The following ARID2 variants were observed in gnomAD, a reference collection of about 807,000 sequenced individuals.
ARID2 encodes AT-rich interactive domain-containing protein 2.
A neutral mutation model predicts 184.6 loss-of-function variants in ARID2; 32 were observed. That is an observed-to-expected ratio of 0.17 (90% CI 0.13 to 0.23). The LOEUF is 0.23. ARID2 is among the 10% of genes least tolerant of loss of function. ARID2 has a pLI of 1.00. For missense variants in ARID2, 1,696 were observed against 2,197.6 expected (o/e 0.77, Z 4.56); for synonymous variants, 836 against 772.6 (o/e 1.08, Z -1.36).
chr12:45,883,294 C>A (rs1257860605), intron 16 of ARID2, among the ~76,000 whole-genome samples: 4 of 151,596 alleles, frequency 2.6e-5, no homozygotes, highest in Admixed American at 1.3e-4. Context: ...ACATTGAATA[C>A]CAAAGAATTT....
intron 3 of ARID2, among the ~76,000 whole-genome samples, chr12:45,801,074 A>G (rs1942489369): frequency 6.6e-6 from 1 of 152,196 alleles, no homozygotes; most frequent in Non-Finnish European, 1.5e-5. Flanking sequence ...GCGCTTTGGG[A>G]GGCTGAGGTG....
chr12:45,801,184 C>T (rs575788847), intron 3 of ARID2, among the ~76,000 whole-genome samples: 9 of 152,038 alleles, frequency 5.9e-5, no homozygotes, highest in African/African-American at 2.2e-4. Context: ...CGGTGGTAGG[C>T]GCCCGTAGTC....
At chr12:45,820,266 TA>T (rs1289782268) in intron 5 of ARID2, among the ~76,000 whole-genome samples, 1 of 152,234 alleles carries the variant, frequency 6.6e-6, no homozygotes, top group Non-Finnish European at 1.5e-5. Context: ...GTAAAATCAT[TA>T]GTAAATATAA....
chr12:45,772,150 T>C lies in ARID2; in HGVS notation c.285-39268T>C, dbSNP rs373404593. On this transcript the variant is annotated intron_variant, in intron 3 of 20. Transcript: ENST00000334344. The stretch of plus-strand genomic sequence containing the variant: ...TGACAAAATGCTACATTAGGAAATA[T>C]TGATGTAATGCAAAAAGAAAGCAAT... 2.2e-3 allele frequency among the ~76,000 whole-genome samples: 342 copies of C among 152,108 alleles called. 12 individuals carry two copies. The South Asian group carries it at 0.067, about 30-fold the overall frequency.
chr12:45,873,638 A>G (rs1943960676), intron 16 of ARID2, among the ~76,000 whole-genome samples: 1 of 152,236 alleles, frequency 6.6e-6, no homozygotes, highest in African/African-American at 2.4e-5. Context: ...AAATATCACA[A>G]TAAAGCAAGT....
chr12:45,801,282 G>A (rs977342588), intron 3 of ARID2, among the ~76,000 whole-genome samples: 1 of 151,218 alleles, frequency 6.6e-6, no homozygotes, highest in African/African-American at 2.4e-5. Flanking sequence ...ACTGCAGTCC[G>A]GCCTGGGCAA....
chr12:45,899,071 A>G (rs1045984496), intron 20 of ARID2, among the ~76,000 whole-genome samples: 1 of 150,866 alleles, frequency 6.6e-6, no homozygotes, highest in African/African-American at 2.4e-5. Flanking sequence ...CAAGATATTG[A>G]GATCATCCTG....
chr12:45,873,280 T>C (rs1378059097), intron 16 of ARID2, among the ~76,000 whole-genome samples: 4 of 152,208 alleles, frequency 2.6e-5, no homozygotes, highest in African/African-American at 9.7e-5. Context: ...TAACAATACA[T>C]AGTTGGGTCT....
At chr12:45,803,591 A>G (rs1942547598) in intron 3 of ARID2, among the ~76,000 whole-genome samples, 1 of 152,184 alleles carries the variant, frequency 6.6e-6, no homozygotes, top group Non-Finnish European at 1.5e-5. Context: ...TTGTGGGGGC[A>G]TGTAAATTTA....
chr12:45,783,250 T>A (rs1195890988), intron 3 of ARID2, among the ~76,000 whole-genome samples: 2 of 152,152 alleles, frequency 1.3e-5, no homozygotes, highest in Non-Finnish European at 2.9e-5. Flanking sequence ...TATGTCAAAG[T>A]TTAATCTAGA....
In ARID2 at chr12:45,904,999, C is replaced by G. The variant is rs755903547; in HGVS notation, c.5429C>G (p.Thr1810Ser). 1.2e-6 allele frequency: 2 copies of G among 1,614,002 alleles called. No individual in the cohort carries two copies. The highest frequency in any genetic ancestry group is 1.7e-6 in the Non-Finnish European group (2 of 1,179,962). Residue 1810 changes from threonine (T) to serine (S), a missense_variant, in exon 21 of 21, where the codon ACC becomes AGC. Physicochemically the swap from Thr to Ser is moderately conservative, Grantham distance 58 (BLOSUM62 1). Transcript: ENST00000334344. ...LAISNMEASS[T>S]LAKCLYELNF... ...ATTAGTAACATGGAAGCTTCCTCCACCCTTGCCAAATGCCTTTATGAACTT... is the reference window on the plus strand; with the variant it reads ...ATTAGTAACATGGAAGCTTCCTCCAGCCTTGCCAAATGCCTTTATGAACTT...
chr12:45,830,893 T>C (rs952373468), intron 6 of ARID2, among the ~76,000 whole-genome samples: 1 of 151,976 alleles, frequency 6.6e-6, no homozygotes, highest in Non-Finnish European at 1.5e-5. Context: ...CCATCTCTAC[T>C]AAAAATACAA....
intron 3 of ARID2, among the ~76,000 whole-genome samples, chr12:45,784,627 G>A (rs906250198): frequency 6.6e-6 from 1 of 152,138 alleles, no homozygotes; most frequent in African/African-American, 2.4e-5. Flanking sequence ...TCGTGCTACT[G>A]CACTCCAGCC....
At position 45,748,715 on chromosome 12, in the gene ARID2, T is replaced by G. The variant is rs12815110; in HGVS notation, c.284+17401T>G. Among the ~76,000 whole-genome samples the G allele has an allele frequency of 2.5e-3, 382 of 152,318 alleles. 2 individuals are homozygous for G. Among genetic ancestry groups the G allele is most frequent in the Middle Eastern group, 0.02 (6 of 294 alleles). ...CCTGCCACTGCTTTATCAACTAAAT[T>G]TATATACTGTTCTAAATCCTTTGTT... On this transcript the variant is annotated intron_variant, in intron 3 of 20. Coordinates refer to ENST00000334344, the MANE Select transcript of ARID2 (RefSeq NM_152641.4).
At position 45,729,710 on chromosome 12, in the gene ARID2, G is replaced by GC. The variant is rs1400130401; in HGVS notation, c.-124dup. On this transcript the variant is annotated 5_prime_UTR_variant, in exon 1 of 21. Coordinates refer to ENST00000334344, the MANE Select transcript of ARID2 (RefSeq NM_152641.4). ...GCCGCCGCCGCCGCCGCCACCGCCG[G>GC]CCCATGACTGAGCCCCGCCGCCGCC... 1 of 693,080 alleles carries GC rather than the reference G, an allele frequency of 1.4e-6. No individual in the cohort carries two copies. The highest frequency in any genetic ancestry group is 2.1e-6 in the Non-Finnish European group (1 of 471,892). The allele number at this position is 693,080 out of a possible 1,614,324, so 42.9% of individuals were successfully genotyped here. A position where few individuals can be genotyped will look rare whatever the true frequency, so the allele number is the denominator to read the frequency against.
chr12:45,837,795 G>T, intron 10 of ARID2, 88 bp downstream of exon 10: 1 of 1,236,658 alleles, frequency 8.1e-7, no homozygotes, highest in South Asian at 1.8e-5. Flanking sequence ...TTATATTTGA[G>T]GTTTAGTGTT....
In ARID2 at chr12:45,905,685, G is replaced by T. The variant is rs1178362245; in HGVS notation, c.*607G>T. 8.6e-6 allele frequency: 2 copies of T among 232,632 alleles called. No homozygotes were observed. The highest frequency in any genetic ancestry group is 1.8e-4 in the South Asian group (1 of 5,524). The allele number at this position is 232,632 out of a possible 1,614,324, so 14.4% of individuals were successfully genotyped here. A position where few individuals can be genotyped will look rare whatever the true frequency, so the allele number is the denominator to read the frequency against. On this transcript the variant is annotated 3_prime_UTR_variant, in exon 21 of 21. Coordinates refer to ENST00000334344, the MANE Select transcript of ARID2 (RefSeq NM_152641.4). ...TCATAAAAATTTACCAGTCTGAATA[G>T]ATCTTGTAAATATTTGTGAATAGAA...
intron 3 of ARID2, among the ~76,000 whole-genome samples, chr12:45,739,757 G>A (rs1325585136): frequency 2.0e-5 from 3 of 151,974 alleles, no homozygotes; most frequent in East Asian, 3.8e-4. Context: ...CTAGCCCAGC[G>A]ATTAATTTTA....
intron 3 of ARID2, among the ~76,000 whole-genome samples, chr12:45,804,218 A>G (rs1227429923): frequency 6.6e-6 from 1 of 152,214 alleles, no homozygotes; most frequent in African/African-American, 2.4e-5. Context: ...CAAAGGAGTC[A>G]TAGGAGAGAT....
Sources: gnomAD v4.1 joint callset for allele counts (sites outside exome capture counted in the v4.1 genomes callset) on GRCh38, gnomAD v4.1.1 for gene constraint, MANE v1.5 for transcripts, NCBI Gene and HGNC (gene_info 2026-07-23, HGNC 2026-07-21) for gene names.